Variants in MYO18A observed in about 807,000 individuals in gnomAD.
MYO18A encodes the protein myosin XVIIIA.
Under a neutral mutation model 235.8 loss-of-function variants are expected in MYO18A, and 78 were observed. That is an observed-to-expected ratio of 0.33 (90% CI 0.28 to 0.40). The LOEUF is 0.40. Among genes scored for constraint, MYO18A ranks in the 10% least tolerant of loss-of-function variants. The pLI, the probability that MYO18A is intolerant of heterozygous loss-of-function variation, is 1.00. For missense variants in MYO18A, 2,215 were observed against 2,699.3 expected (o/e 0.82, Z 3.98); for synonymous variants, 977 against 1,077.8 (o/e 0.91, Z 1.83).
chr17:29,090,385 C>G (rs1363674648), intron 36 of MYO18A, 147 bp downstream of exon 36: 1 of 745,088 alleles, frequency 1.3e-6, no homozygotes, highest in Non-Finnish European at 2.2e-6. Flanking sequence ...GACATGGCTC[C>G]AAGCCTAGCT....
chr17:29,173,851 A>G (rs1388935117), intron 1 of MYO18A, among the ~76,000 whole-genome samples: 1 of 152,202 alleles, frequency 6.6e-6, no homozygotes, highest in Admixed American at 6.5e-5. Flanking sequence ...AGATCACTAC[A>G]GACTTGAACT....
chr17:29,104,297 C>T (rs889160211), intron 20 of MYO18A, among the ~76,000 whole-genome samples: 54 of 152,038 alleles, frequency 3.6e-4, no homozygotes, highest in African/African-American at 1.3e-3. Context: ...AGAGCCTGGC[C>T]CAAGGGAAAG....
rs376394546 is a variant in MYO18A at position 29,092,840 on chromosome 17, G to A, written c.5073+15C>T. The stretch of plus-strand genomic sequence containing the variant: ...TCTGTTGTGCCTGGATCAGCCGTGT[G>A]CTCTCTGTGGATACCTGGTTCTTGA... On this transcript the variant is annotated intron_variant, in intron 33 of 41. Transcript: ENST00000527372. 426 of 1,613,466 alleles carry A rather than the reference G, an allele frequency of 2.6e-4. 1 individual carries two copies. Among genetic ancestry groups the A allele is most frequent in the Middle Eastern group, 1.5e-3 (9 of 6,036 alleles).
Position 29,158,639 on chromosome 17 carries a change from C to T in MYO18A, c.999+7303G>A, listed in dbSNP as rs1330181483. On this transcript the variant is annotated intron_variant, in intron 2 of 41. Transcript: ENST00000527372. The surrounding 1 kb of genome is among the most constrained non-coding windows in gnomAD (Gnocchi z 4.3). ...CCAGGCAGCAGGGGAGCCCTCACCTCAGCTGGGTCACCAGTCCCCACCGTC... is the reference window on the plus strand; with the variant it reads ...CCAGGCAGCAGGGGAGCCCTCACCTTAGCTGGGTCACCAGTCCCCACCGTC... 6.6e-6 allele frequency among the ~76,000 whole-genome samples: 1 copy of T among 152,202 alleles called. No individual in the cohort carries two copies. The highest frequency in any genetic ancestry group is 2.4e-5 in the African/African-American group (1 of 41,456).
chr17:29,086,330 G>T, intron 39 of MYO18A, 108 bp downstream of exon 39: 1 of 1,302,510 alleles, frequency 7.7e-7, no homozygotes, highest in Non-Finnish European at 1.1e-6. Flanking sequence ...TTGGCGGCTT[G>T]CTCATGGGGA....
At chr17:29,127,233 C>G (rs1308571215) in intron 2 of MYO18A, among the ~76,000 whole-genome samples, 1 of 152,212 alleles carries the variant, frequency 6.6e-6, no homozygotes, top group Admixed American at 6.5e-5. Flanking sequence ...AGTTTATCCT[C>G]TATGCCCCTG....
At chr17:29,122,340 G>A (rs1598341782) in intron 2 of MYO18A, 87 bp from the exon 3 acceptor site, 2 of 1,250,000 alleles carry the variant, frequency 1.6e-6, no homozygotes, top group East Asian at 5.0e-5. Context: ...TGAGGGCATG[G>A]GCTTTGAGAC....
intron 20 of MYO18A, among the ~76,000 whole-genome samples, chr17:29,104,959 T>C (rs1433493596): frequency 6.6e-6 from 1 of 151,798 alleles, no homozygotes; most frequent in Non-Finnish European, 1.5e-5. Context: ...GGTGGGTGGA[T>C]CATGAGGTCA....
intron 34 of MYO18A, chr17:29,091,865 G>C (rs1265529542): frequency 3.0e-6 from 1 of 329,748 alleles, no homozygotes; most frequent in African/African-American, 2.2e-5. Context: ...CTCTGCCGAT[G>C]GATGGGCCGT....
intron 2 of MYO18A, among the ~76,000 whole-genome samples, chr17:29,149,559 C>T (rs982853451): frequency 3.3e-5 from 5 of 152,248 alleles, no homozygotes; most frequent in South Asian, 2.1e-4. Context: ...CACACCTTTT[C>T]GGGCACAGAG....
intron 28 of MYO18A, among the ~76,000 whole-genome samples, chr17:29,095,523 G>T (rs2066499700): frequency 6.6e-6 from 1 of 152,232 alleles, no homozygotes; most frequent in Non-Finnish European, 1.5e-5. Flanking sequence ...ACCAGCCTTT[G>T]GCCAGGACCA....
chr17:29,105,205 C>A (rs2066754279), intron 20 of MYO18A, among the ~76,000 whole-genome samples: 1 of 146,766 alleles, frequency 6.8e-6, no homozygotes, highest in Non-Finnish European at 1.5e-5. Flanking sequence ...AAGAAAAGTG[C>A]CGGTTGGCTC....
rs1233104454 is a variant in MYO18A at position 29,125,197 on chromosome 17, G to T, written c.1000-2944C>A. ...CCTTGCCTTCTAACACAGCCCAAGG[G>T]TGCCACTCCCTAGGCCAAGGGCTGT... is the stretch of plus-strand genomic sequence containing the variant. On this transcript the variant is annotated intron_variant, in intron 2 of 41. Transcript: ENST00000527372. The surrounding 1 kb of genome is among the most constrained non-coding windows in gnomAD (Gnocchi z 5.1). Among the ~76,000 whole-genome samples the T allele has an allele frequency of 1.3e-5, 2 of 152,146 alleles. No individual in the cohort carries two copies. The highest frequency in any genetic ancestry group is 1.3e-4 in the Admixed American group (2 of 15,282).
At position 29,121,973 on chromosome 17, in the gene MYO18A, A is replaced by G. The variant is rs527349518; in HGVS notation, c.1088-16T>C. On this transcript the variant is annotated splice_polypyrimidine_tract_variant and intron_variant, in intron 3 of 41. Transcript: ENST00000527372. The surrounding 1 kb of genome is among the most constrained non-coding windows in gnomAD (Gnocchi z 4.2). ...AGTTGACTGGCTGCAGGGGAGGGAC[A>G]GACAGCTGGGATGGGCCTGGGAAGC... The G allele has an allele frequency of 6.2e-7, 1 of 1,613,036 alleles. No homozygotes were observed. Among genetic ancestry groups the G allele is most frequent in the African/African-American group, 1.3e-5 (1 of 75,026 alleles).
Position 29,126,615 on chromosome 17 carries a change from CTCAGGCTAT to C in MYO18A, c.1000-4371_1000-4363del, listed in dbSNP as rs2067328536. Among the ~76,000 whole-genome samples the C allele has an allele frequency of 6.6e-6, 1 of 152,162 alleles. No individual in the cohort carries two copies. Among genetic ancestry groups the C allele is most frequent in the Non-Finnish European group, 1.5e-5 (1 of 68,024 alleles). ...ACAGTCAGGGAGGGCCTCAAGGCCT[CTCAGGCTAT>C]TCCCCCATACCCTCCAGACCCCTCT... On this transcript the variant is annotated intron_variant, in intron 2 of 41. Coordinates refer to ENST00000527372, the MANE Select transcript of MYO18A (RefSeq NM_078471.4). The surrounding 1 kb of genome is among the most constrained non-coding windows in gnomAD (Gnocchi z 4.1).
At chr17:29,123,681 G>A (rs576558675) in intron 2 of MYO18A, among the ~76,000 whole-genome samples, 8 of 152,334 alleles carry the variant, frequency 5.3e-5, no homozygotes, top group African/African-American at 1.4e-4. Context: ...GGATCACCAC[G>A]TGGCTGGCCA....
chr17:29,083,111 G>A (rs944971935), intron 40 of MYO18A, among the ~76,000 whole-genome samples: 13 of 151,812 alleles, frequency 8.6e-5, no homozygotes, highest in Middle Eastern at 3.4e-3. Context: ...ATTTCCAGAG[G>A]GACTAGCAAC....
chr17:29,112,153 C>A (rs138283225), intron 15 of MYO18A, among the ~76,000 whole-genome samples: 1 of 152,228 alleles, frequency 6.6e-6, no homozygotes, highest in African/African-American at 2.4e-5. Context: ...CCCGAGCCCG[C>A]GCCCCGAGGC....
rs543730793 is a variant in MYO18A at position 29,110,189 on chromosome 17, C to T, written c.3088-88G>A. ...CTGGTGCCAGCGTCTCCACTGCTCA[C>T]AGGGTAGCAGCGGCCCCAGCACCAG... On this transcript the variant is annotated intron_variant, in intron 18 of 41. Coordinates refer to ENST00000527372, the MANE Select transcript of MYO18A (RefSeq NM_078471.4). The T allele has an allele frequency of 2.9e-4, 449 of 1,528,454 alleles. 1 individual carries two copies. Among genetic ancestry groups the T allele is most frequent in the Admixed American group, 1.0e-3 (56 of 55,614 alleles). The allele number at this position is 1,528,454 out of a possible 1,614,324, so 94.7% of individuals were successfully genotyped here. A position where few individuals can be genotyped will look rare whatever the true frequency, so the allele number is the denominator to read the frequency against.
Sources: gnomAD v4.1 joint callset for allele counts (sites outside exome capture counted in the v4.1 genomes callset) on GRCh38, gnomAD v4.1.1 for gene constraint, Gnocchi (gnomAD v3.1) non-coding constraint, MANE v1.5 for transcripts, NCBI Gene and HGNC (gene_info 2026-07-23, HGNC 2026-07-21) for gene names.